MAP3K21: variants seen among roughly 807,000 people sequenced by gnomAD.
The protein encoded by MAP3K21 is mitogen-activated protein kinase kinase kinase 21, also known as mitogen-activated protein kinase kinase kinase MLK4.
A neutral mutation model predicts 86.1 loss-of-function variants in MAP3K21; 63 were observed. That is an observed-to-expected ratio of 0.73 (90% CI 0.60 to 0.90). MAP3K21 has a LOEUF of 0.90. Ranked by LOEUF, MAP3K21 falls within the 40% of genes least tolerant of loss-of-function variation. The pLI is 0.00. For synonymous variants in MAP3K21, 558 were observed against 564.8 expected (o/e 0.99, Z 0.17); for missense variants, 1,220 against 1,367.7 (o/e 0.89, Z 1.70).
chr1:233,343,912 C>T (rs76739477), intron 1 of MAP3K21, among the ~76,000 whole-genome samples: 2,116 of 152,212 alleles, frequency 0.014, 54 homozygotes, highest in African/African-American at 0.048. Flanking sequence ...GTTCTGCAAA[C>T]CAGATACCCT....
intron 2 of MAP3K21, among the ~76,000 whole-genome samples, chr1:233,348,626 G>C (rs79389708): frequency 0.014 from 2,185 of 152,098 alleles, 57 homozygotes; most frequent in African/African-American, 0.049. Context: ...AGAGTGTCAG[G>C]GTTCCGATTT....
At chr1:233,336,309 G>A (rs891755912) in intron 1 of MAP3K21, among the ~76,000 whole-genome samples, 2 of 152,124 alleles carry the variant, frequency 1.3e-5, no homozygotes, top group Non-Finnish European at 2.9e-5. Context: ...GGGAGGCTGA[G>A]GTGGGTGGAT....
At chr1:233,372,454 C>T (rs190047565) in intron 6 of MAP3K21, 16 of 389,554 alleles carry the variant, frequency 4.1e-5, no homozygotes, top group South Asian at 2.7e-4. Context: ...TTGCACGCAA[C>T]GTTAGCATAA....
intron 1 of MAP3K21, among the ~76,000 whole-genome samples, chr1:233,340,892 T>C (rs891853847): frequency 5.9e-5 from 9 of 152,236 alleles, no homozygotes; most frequent in African/African-American, 2.2e-4. Context: ...ATTAAATAAT[T>C]TGGACACAGT....
chr1:233,338,613 A>G (rs1159121505), intron 1 of MAP3K21, among the ~76,000 whole-genome samples: 2 of 152,238 alleles, frequency 1.3e-5, no homozygotes, highest in Non-Finnish European at 2.9e-5. Flanking sequence ...CATCTGGGAA[A>G]GAACATGCTT....
chr1:233,362,408 A>G (rs1663481826), intron 5 of MAP3K21, 115 bp downstream of exon 5: 1 of 1,055,370 alleles, frequency 9.5e-7, no homozygotes, highest in African/African-American at 1.6e-5. Flanking sequence ...AAAACAGTGA[A>G]TGAATGAGTA....
At position 233,346,688 on chromosome 1, in the gene MAP3K21, A is replaced by G; in HGVS notation, c.986+66A>G. On this transcript the variant is annotated intron_variant, in intron 2 of 9. Transcript: ENST00000366624. ...CTATGCTTTATTTCAGTAAGTCCCA[A>G]AGTATTCAGTAATTCTCAGCATAAA... 2.2e-6 allele frequency: 3 copies of G among 1,374,338 alleles called. No homozygotes were observed. In the South Asian group the frequency reaches 3.8e-5, roughly 17 times the overall value. The allele number at this position is 1,374,338 out of a possible 1,614,324, so 85.1% of individuals were successfully genotyped here. A position where few individuals can be genotyped will look rare whatever the true frequency, so the allele number is the denominator to read the frequency against.
In MAP3K21 at chr1:233,371,936, A is replaced by G. The variant is rs1663692261; in HGVS notation, c.1553-102A>G. ...CGATCCTGCAATATTCTTTGCAGTT[A>G]GGGTCTGACCATTTTTGTTTTTATT... On this transcript the variant is annotated intron_variant, in intron 5 of 9. Transcript: ENST00000366624. The G allele has an allele frequency of 2.6e-6, 3 of 1,139,748 alleles. 1 individual carries two copies. The East Asian group carries it at 7.5e-5, about 28-fold the overall frequency. The allele number at this position is 1,139,748 out of a possible 1,614,324, so 70.6% of individuals were successfully genotyped here.
intron 4 of MAP3K21, among the ~76,000 whole-genome samples, chr1:233,357,930 C>T (rs1469026749): frequency 6.6e-6 from 1 of 152,154 alleles, no homozygotes; most frequent in Non-Finnish European, 1.5e-5. Context: ...TGCCTGTTTC[C>T]TTCTCCAGGA....
chr1:233,339,326 T>C lies in MAP3K21; in HGVS notation c.806-7116T>C, dbSNP rs1277549948. Among the ~76,000 whole-genome samples, 189 of 137,586 alleles carry C rather than the reference T, an allele frequency of 1.4e-3. 8 individuals are homozygous for C. The highest frequency in any genetic ancestry group is 2.1e-3 in the Non-Finnish European group (130 of 62,148). The allele number at this position is 137,586 out of a possible 152,430, so 90.3% of individuals were successfully genotyped here. On this transcript the variant is annotated intron_variant, in intron 1 of 9. Coordinates refer to ENST00000366624, the MANE Select transcript of MAP3K21 (RefSeq NM_032435.3). The stretch of plus-strand genomic sequence containing the variant: ...TTCCTCTTCTTCTTCCTCTTCTTCT[T>C]CTTCCTCTTCTTCTCCCTCTTCTCC...
In MAP3K21 at chr1:233,379,187, C is replaced by A. The variant is rs201566282; in HGVS notation, c.2181C>A (p.Thr727=). The change falls in exon 9 of 10, where the codon ACC becomes ACA. Residue 727 remains threonine (T), a synonymous_variant. Coordinates refer to ENST00000366624, the MANE Select transcript of MAP3K21 (RefSeq NM_032435.3). ...KKTESALYGC[T]VLLASVALGL... Reference sequence around the variant, plus strand: ...CGGAGTCAGCTCTGTATGGGTGCACCGTCCTTCTGGCATCGGTGGCTCTGG... The same window carrying A: ...CGGAGTCAGCTCTGTATGGGTGCACAGTCCTTCTGGCATCGGTGGCTCTGG... The A allele has an allele frequency of 4.3e-6, 7 of 1,614,070 alleles. No homozygotes were observed. The African/African-American group carries it at 6.7e-5, about 15-fold the overall frequency.
In MAP3K21 at chr1:233,327,934, G is replaced by A; in HGVS notation, c.-95G>A. 2 of 1,028,478 alleles carry A rather than the reference G, an allele frequency of 1.9e-6. No homozygotes were observed. Among genetic ancestry groups the A allele is most frequent in the Non-Finnish European group, 2.5e-6 (2 of 806,968 alleles). The allele number at this position is 1,028,478 out of a possible 1,614,324, so 63.7% of individuals were successfully genotyped here. ...ATTCCTACCCCCTCGCCTTCCCCCGGCGCCGACGGCCACACCGCCGGACGA... is the reference window on the plus strand; with the variant it reads ...ATTCCTACCCCCTCGCCTTCCCCCGACGCCGACGGCCACACCGCCGGACGA... On this transcript the variant is annotated 5_prime_UTR_variant, in exon 1 of 10. Coordinates refer to ENST00000366624, the MANE Select transcript of MAP3K21 (RefSeq NM_032435.3).
chr1:233,336,864 A>C (rs1400862079), intron 1 of MAP3K21, among the ~76,000 whole-genome samples: 2 of 152,258 alleles, frequency 1.3e-5, no homozygotes, highest in Non-Finnish European at 2.9e-5. Context: ...CCATGGCTAC[A>C]GACTATATCC....
intron 8 of MAP3K21, among the ~76,000 whole-genome samples, chr1:233,377,073 C>A (rs1284656861): frequency 6.6e-6 from 1 of 151,274 alleles, no homozygotes; most frequent in East Asian, 1.9e-4. Context: ...CCAGCCTGGA[C>A]AATAGAGTGA....
At chr1:233,340,969 T>G (rs1296219368) in intron 1 of MAP3K21, among the ~76,000 whole-genome samples, 3 of 152,184 alleles carry the variant, frequency 2.0e-5, no homozygotes, top group African/African-American at 7.2e-5. Context: ...CATTATATAC[T>G]ATAATTCTGA....
At chr1:233,333,671 A>G (rs539502725) in intron 1 of MAP3K21, among the ~76,000 whole-genome samples, 1 of 152,304 alleles carries the variant, frequency 6.6e-6, no homozygotes, top group Admixed American at 6.5e-5. Flanking sequence ...GAATTATGCA[A>G]AGTATCCGTA....
chr1:233,379,400 C>G lies in MAP3K21; in HGVS notation c.2394C>G (p.Ala798=). The change falls in exon 9 of 10, where the codon GCC becomes GCG. Residue 798 remains alanine, a synonymous_variant. Coordinates refer to ENST00000366624, the MANE Select transcript of MAP3K21 (RefSeq NM_032435.3). ...CACCCTCCCTGCCACTGTCAAGTGC[C>G]CTGGGCATCCTCTCCACACCTTCTT... ...SSPPSLPLSS[A]LGILSTPSFS... The G allele has an allele frequency of 6.2e-7, 1 of 1,614,184 alleles. No individual in the cohort carries two copies. Among genetic ancestry groups the G allele is most frequent in the African/African-American group, 1.3e-5 (1 of 75,046 alleles).
chr1:233,346,760 AT>A (rs1663149397), intron 2 of MAP3K21, 138 bp downstream of exon 2: 3 of 741,516 alleles, frequency 4.0e-6, no homozygotes, highest in Non-Finnish European at 6.7e-6. Flanking sequence ...GATCAAAATA[AT>A]TGTAATGACA....
At chr1:233,334,513 G>T (rs1187946380) in intron 1 of MAP3K21, among the ~76,000 whole-genome samples, 2 of 152,152 alleles carry the variant, frequency 1.3e-5, no homozygotes, top group African/African-American at 4.8e-5. Flanking sequence ...AGCCAATTAG[G>T]TAAATACTGG....
Sources: gnomAD v4.1 joint callset for allele counts (sites outside exome capture counted in the v4.1 genomes callset) on GRCh38, gnomAD v4.1.1 for gene constraint, MANE v1.5 for transcripts, NCBI Gene and HGNC (gene_info 2026-07-23, HGNC 2026-07-21) for gene names.